The following GPR176 variants were observed in gnomAD, a reference collection of about 807,000 sequenced individuals.
The protein encoded by GPR176 is G-protein coupled receptor 176.
A neutral mutation model predicts 35.4 loss-of-function variants in GPR176; 26 were observed. That is an observed-to-expected ratio of 0.74 (90% CI 0.54 to 1.02). The LOEUF (loss-of-function observed/expected upper bound fraction) is 1.02. GPR176 is among the 50% of genes least tolerant of loss of function. The probability of loss-of-function intolerance (pLI) is 0.00; values close to 1 mark genes in which losing one functional copy is unlikely to be tolerated. For synonymous variants in GPR176, 278 were observed against 271.3 expected (o/e 1.02, Z -0.24); for missense variants, 597 against 665.3 (o/e 0.90, Z 1.13).
At chr15:39,815,942 T>C (rs1030207037) in intron 1 of GPR176, among the ~76,000 whole-genome samples, 5 of 152,228 alleles carry the variant, frequency 3.3e-5, no homozygotes, top group African/African-American at 1.2e-4. Context: ...ATGGCATATA[T>C]ACACAACAGA....
chr15:39,859,261 T>C (rs892697071), intron 1 of GPR176, among the ~76,000 whole-genome samples: 1 of 152,080 alleles, frequency 6.6e-6, no homozygotes, highest in South Asian at 2.1e-4. Context: ...GTAACATGTA[T>C]GTATATATGT....
At chr15:39,888,808 A>T (rs1482452139) in intron 1 of GPR176, among the ~76,000 whole-genome samples, 1 of 152,150 alleles carries the variant, frequency 6.6e-6, no homozygotes, top group Non-Finnish European at 1.5e-5. Context: ...CCAGAAGCTT[A>T]TCCACTCCAT....
intron 1 of GPR176, among the ~76,000 whole-genome samples, chr15:39,907,838 G>T (rs1436543281): frequency 2.0e-5 from 3 of 151,874 alleles, no homozygotes; most frequent in Non-Finnish European, 4.4e-5. Context: ...TAGATGTTTA[G>T]GCCGGGCATG....
chr15:39,903,343 G>A (rs112713606), intron 1 of GPR176, among the ~76,000 whole-genome samples: 3 of 152,308 alleles, frequency 2.0e-5, no homozygotes, highest in Non-Finnish European at 2.9e-5. Context: ...TGGGCTTCCT[G>A]TAGAGGTCAT....
Position 39,801,660 on chromosome 15 carries a change from G to A in GPR176, c.1020C>T (p.His340=). 2 of 1,613,788 alleles carry A rather than the reference G, an allele frequency of 1.2e-6. No individual in the cohort carries two copies. The highest frequency in any genetic ancestry group is 1.7e-6 in the Non-Finnish European group (2 of 1,179,690). ...TGACCACATTACGGCGACTGTACCG[G>A]TGGTGTAGTTGCACCAGGGTCCCTA... is the stretch of plus-strand genomic sequence containing the variant. ...CLIGTLVQLH[H]RYSRRNVVST... is the part of the protein sequence containing the mutation. Residue 340 remains histidine, a synonymous_variant, in exon 3 of 3, where the codon CAC becomes CAT. Transcript: ENST00000561100.
At chr15:39,898,888 C>A (rs941645877) in intron 1 of GPR176, among the ~76,000 whole-genome samples, 1 of 152,016 alleles carries the variant, frequency 6.6e-6, no homozygotes, top group African/African-American at 2.4e-5. Context: ...GAGCAAGAGA[C>A]CTTGAAGATG....
Position 39,847,367 on chromosome 15 carries a change from C to T in GPR176, c.173-40109G>A, listed in dbSNP as rs572803003. 3.3e-5 allele frequency among the ~76,000 whole-genome samples: 5 copies of T among 152,202 alleles called. No homozygotes were observed. The South Asian group carries it at 8.3e-4, about 25-fold the overall frequency. On this transcript the variant is annotated intron_variant, in intron 1 of 2. Coordinates refer to ENST00000561100, the MANE Select transcript of GPR176 (RefSeq NM_007223.3). ...TCAAGAAATGTGATCCAACTACACGCTATCTCCAAGAGACTCACTTCAAAT... is the reference window on the plus strand; with the variant it reads ...TCAAGAAATGTGATCCAACTACACGTTATCTCCAAGAGACTCACTTCAAAT...
At chr15:39,912,076 A>G (rs897893792) in intron 1 of GPR176, among the ~76,000 whole-genome samples, 22 of 152,238 alleles carry the variant, frequency 1.4e-4, no homozygotes, top group Non-Finnish European at 5.9e-5. Flanking sequence ...GAAGAAGGTC[A>G]TTGGGCATCC....
At chr15:39,885,247 A>G (rs1381300547) in intron 1 of GPR176, among the ~76,000 whole-genome samples, 4 of 152,224 alleles carry the variant, frequency 2.6e-5, no homozygotes, top group Non-Finnish European at 5.9e-5. Context: ...GCAACCTCTG[A>G]GGGAATCAAG....
chr15:39,834,144 T>G (rs568629094), intron 1 of GPR176, among the ~76,000 whole-genome samples: 1 of 152,292 alleles, frequency 6.6e-6, no homozygotes, highest in South Asian at 2.1e-4. Context: ...TTGTAGTCCC[T>G]AATAACAAAT....
chr15:39,841,299 CTGTTA>C lies in GPR176; in HGVS notation c.173-34046_173-34042del, dbSNP rs1276403027. ...TATGCTGAGCATTTCACATACACTT[CTGTTA>C]TAAGTTGAATTGTGTCCCCACCCCA... On this transcript the variant is annotated intron_variant, in intron 1 of 2. Coordinates refer to ENST00000561100, the MANE Select transcript of GPR176 (RefSeq NM_007223.3). Among the ~76,000 whole-genome samples, 2 of 152,094 alleles carry C rather than the reference CTGTTA, an allele frequency of 1.3e-5. 1 individual carries two copies. Among genetic ancestry groups the C allele is most frequent in the South Asian group, 4.1e-4 (2 of 4,826 alleles).
At chr15:39,842,429 T>C (rs1340265530) in intron 1 of GPR176, among the ~76,000 whole-genome samples, 1 of 152,060 alleles carries the variant, frequency 6.6e-6, no homozygotes, top group East Asian at 1.9e-4. Flanking sequence ...AGGCCCCTCC[T>C]CCAACACTGG....
At chr15:39,811,894 T>A (rs142212389) in intron 1 of GPR176, among the ~76,000 whole-genome samples, 31 of 149,466 alleles carry the variant, frequency 2.1e-4, no homozygotes, top group Middle Eastern at 3.4e-3. Context: ...CCAGCCTGGG[T>A]GACAGAGCGA....
chr15:39,871,322 A>T (rs1024420260), intron 1 of GPR176, among the ~76,000 whole-genome samples: 1 of 152,200 alleles, frequency 6.6e-6, no homozygotes, highest in African/African-American at 2.4e-5. Context: ...CAGTCAAAAA[A>T]TAATATTTTG....
At chr15:39,849,322 C>G (rs2030689704) in intron 1 of GPR176, among the ~76,000 whole-genome samples, 1 of 152,096 alleles carries the variant, frequency 6.6e-6, no homozygotes, top group Non-Finnish European at 1.5e-5. Context: ...AAGAAATCTC[C>G]AGGTCCAGAT....
intron 1 of GPR176, among the ~76,000 whole-genome samples, chr15:39,906,196 G>T (rs1317495871): frequency 6.6e-6 from 1 of 152,178 alleles, no homozygotes; most frequent in African/African-American, 2.4e-5. Flanking sequence ...GCATTTAGTT[G>T]TGCAAAAAGC....
intron 1 of GPR176, chr15:39,860,900 G>A (rs995445347): frequency 5.9e-5 from 9 of 152,322 alleles, no homozygotes; most frequent in Non-Finnish European, 1.3e-4. Context: ...CTCCATTTGG[G>A]AAGGTGGTAC....
At chr15:39,897,599 A>ATTTTTTTTTTTTTTTTT (rs386382791) in intron 1 of GPR176, among the ~76,000 whole-genome samples, 1 of 88,524 alleles carries the variant, frequency 1.1e-5, no homozygotes, top group African/African-American at 4.5e-5. Flanking sequence ...ACATCCAAAT[A>ATTTTTTTTTTTTTTTTT]TTTTTTTTTT....
chr15:39,865,913 G>A (rs559314307), intron 1 of GPR176, among the ~76,000 whole-genome samples: 1 of 152,076 alleles, frequency 6.6e-6, no homozygotes, highest in African/African-American at 2.4e-5. Flanking sequence ...ATTCATTGTA[G>A]CATTAGTTGT....
Sources: gnomAD v4.1 joint callset for allele counts (sites outside exome capture counted in the v4.1 genomes callset) on GRCh38, gnomAD v4.1.1 for gene constraint, MANE v1.5 for transcripts, NCBI Gene and HGNC (gene_info 2026-07-23, HGNC 2026-07-21) for gene names.